The following PRKG1 variants were observed in gnomAD, a reference collection of about 807,000 sequenced individuals.
PRKG1 encodes cGMP-dependent protein kinase 1.
PRKG1 carries 35 observed loss-of-function variants against 88.1 expected under a neutral mutation model. The observed-to-expected ratio is 0.40, with a 90% CI of 0.30 to 0.53. The LOEUF (loss-of-function observed/expected upper bound fraction) is 0.53, where lower values mean the gene tolerates loss of function less well. Ranked by LOEUF, PRKG1 falls within the 20% of genes least tolerant of loss-of-function variation. The probability of loss-of-function intolerance (pLI) is 0.59; values close to 1 mark genes in which losing one functional copy is unlikely to be tolerated. For missense variants in PRKG1, 540 were observed against 839.8 expected, an observed-to-expected ratio of 0.64 and a Z score of 4.41; for synonymous variants, 303 against 292.5, an observed-to-expected ratio of 1.04 and a Z score of -0.37.
intron 2 of PRKG1, among the ~76,000 whole-genome samples, chr10:51,315,891 A>C (rs548987498): frequency 6.3e-4 from 96 of 152,306 alleles, no homozygotes; most frequent in African/African-American, 2.1e-3. Flanking sequence ...ATTTGTCTGC[A>C]TCTAATCTGT....
chr10:51,327,240 C>A (rs1841614539), intron 2 of PRKG1, among the ~76,000 whole-genome samples: 1 of 151,804 alleles, frequency 6.6e-6, no homozygotes, highest in Non-Finnish European at 1.5e-5. Context: ...CATGAAGAAA[C>A]CCTGTCTCTA....
At chr10:51,540,783 T>C (rs1377291341) in intron 3 of PRKG1, among the ~76,000 whole-genome samples, 1 of 152,004 alleles carries the variant, frequency 6.6e-6, no homozygotes, top group East Asian at 1.9e-4. Flanking sequence ...GCAGTGGCAT[T>C]ATCTCGGCTC....
chr10:51,113,166 G>T (rs1200731514), intron 1 of PRKG1, among the ~76,000 whole-genome samples: 1 of 152,182 alleles, frequency 6.6e-6, no homozygotes, highest in East Asian at 1.9e-4. Context: ...ATTTAGCTTT[G>T]TAGTAAAATA....
chr10:51,358,642 G>C (rs980070936), intron 2 of PRKG1, among the ~76,000 whole-genome samples: 3 of 151,918 alleles, frequency 2.0e-5, no homozygotes, highest in Non-Finnish European at 2.9e-5. Context: ...GGAGGAGGCT[G>C]ATAGTCATTT....
chr10:51,002,640 A>ATTCAGC (rs1277290032), intron 1 of PRKG1, among the ~76,000 whole-genome samples: 1 of 152,158 alleles, frequency 6.6e-6, no homozygotes, highest in Non-Finnish European at 1.5e-5. Context: ...GCCTTCCTGT[A>ATTCAGC]AAAGGCTATT....
intron 3 of PRKG1, among the ~76,000 whole-genome samples, chr10:51,513,480 G>A (rs78968090): frequency 0.22 from 23,501 of 105,710 alleles, 3,002 homozygotes; most frequent in East Asian, 0.73. Context: ...TGAACTCAGC[G>A]CTGCACCAAG....
intron 2 of PRKG1, among the ~76,000 whole-genome samples, chr10:51,266,817 C>T (rs1839847673): frequency 6.6e-6 from 1 of 152,158 alleles, no homozygotes; most frequent in Admixed American, 6.5e-5. Flanking sequence ...CATCCTGTGT[C>T]TTTAAGACGT....
intron 2 of PRKG1, among the ~76,000 whole-genome samples, chr10:51,414,077 G>C (rs1043751278): frequency 6.6e-6 from 1 of 152,156 alleles, no homozygotes; most frequent in Admixed American, 6.5e-5. Flanking sequence ...TTGAAAAAGA[G>C]GATAACAATA....
At chr10:51,031,250 G>T (rs577521959) in intron 1 of PRKG1, among the ~76,000 whole-genome samples, 1 of 152,068 alleles carries the variant, frequency 6.6e-6, no homozygotes, top group Non-Finnish European at 1.5e-5. Flanking sequence ...AATCTCCTAG[G>T]CCCTTCATAT....
intron 3 of PRKG1, among the ~76,000 whole-genome samples, chr10:51,719,114 C>A (rs1428919811): frequency 6.6e-6 from 1 of 151,454 alleles, no homozygotes; most frequent in Non-Finnish European, 1.5e-5. Flanking sequence ...TGCAAGACTG[C>A]ATTCTAGCCT....
chr10:51,716,712 G>A (rs1163963352), intron 3 of PRKG1, among the ~76,000 whole-genome samples: 2 of 152,104 alleles, frequency 1.3e-5, no homozygotes, highest in African/African-American at 4.8e-5. Flanking sequence ...TTTCTGAGAT[G>A]GAGTCTCGCT....
intron 2 of PRKG1, among the ~76,000 whole-genome samples, chr10:51,272,434 A>G (rs912379567): frequency 4.6e-5 from 7 of 152,042 alleles, no homozygotes; most frequent in African/African-American, 1.7e-4. Context: ...GCAGCAAGCC[A>G]CCATGGCATG....
intron 3 of PRKG1, among the ~76,000 whole-genome samples, chr10:51,772,854 T>C (rs955314234): frequency 2.6e-5 from 4 of 152,048 alleles, no homozygotes; most frequent in Admixed American, 6.6e-5. Flanking sequence ...TAAAACTTCC[T>C]TTTCTCAGTA....
chr10:51,845,036 T>A (rs900355819), intron 4 of PRKG1, among the ~76,000 whole-genome samples: 3 of 152,108 alleles, frequency 2.0e-5, no homozygotes, highest in Non-Finnish European at 2.9e-5. Flanking sequence ...TGTGAAAAAA[T>A]TTCTAAATTG....
In PRKG1 at chr10:51,279,794, T is replaced by TA. The variant is rs765959428; in HGVS notation, c.478+126465dup. Among the ~76,000 whole-genome samples the TA allele has an allele frequency of 1.9e-3, 282 of 152,328 alleles. 3 individuals carry two copies. Among genetic ancestry groups the TA allele is most frequent in the Admixed American group, 4.1e-3 (62 of 15,304 alleles). On this transcript the variant is annotated intron_variant, in intron 2 of 17. Coordinates refer to ENST00000373980, the MANE Select transcript of PRKG1 (RefSeq NM_006258.4). ...CTGCATTTGAGATGCGTCTCCTGAATACAGCACACTGATGGGTCTTGACTC... is the reference window on the plus strand; with the variant it reads ...CTGCATTTGAGATGCGTCTCCTGAATAACAGCACACTGATGGGTCTTGACTC...
intron 2 of PRKG1, among the ~76,000 whole-genome samples, chr10:51,317,794 A>G (rs1431841733): frequency 6.6e-6 from 1 of 152,208 alleles, no homozygotes; most frequent in African/African-American, 2.4e-5. Flanking sequence ...TTCCTATAGA[A>G]TAAAGTCTGG....
chr10:51,931,547 G>A (rs1482550373), intron 5 of PRKG1, among the ~76,000 whole-genome samples: 1 of 152,178 alleles, frequency 6.6e-6, no homozygotes, highest in East Asian at 1.9e-4. Flanking sequence ...CAATGAGGAA[G>A]CCAGACAGGA....
At chr10:52,054,638 C>T in intron 6 of PRKG1, 77 bp downstream of exon 6, 1 of 1,214,918 alleles carries the variant, frequency 8.2e-7, no homozygotes, top group African/African-American at 1.5e-5. Flanking sequence ...GGAACACATG[C>T]AGAGTCTTGT....
intron 8 of PRKG1, among the ~76,000 whole-genome samples, chr10:52,152,789 T>C (rs1837971097): frequency 6.6e-6 from 1 of 152,090 alleles, no homozygotes; most frequent in Admixed American, 6.6e-5. Context: ...GACCCAAAGA[T>C]AATATAGAAG....
Sources: gnomAD v4.1 joint callset for allele counts (sites outside exome capture counted in the v4.1 genomes callset) on GRCh38, gnomAD v4.1.1 for gene constraint, MANE v1.5 for transcripts, NCBI Gene and HGNC (gene_info 2026-07-23, HGNC 2026-07-21) for gene names.